AIMP1: variants seen among roughly 807,000 people sequenced by gnomAD.
AIMP1 encodes aminoacyl tRNA synthetase complex interacting multifunctional protein 1.
Under a neutral mutation model 33.1 loss-of-function variants are expected in AIMP1, and 24 were observed. The observed-to-expected ratio is 0.73, with a 90% CI of 0.53 to 1.02. AIMP1 has a LOEUF of 1.02. Among genes scored for constraint, AIMP1 ranks in the 50% least tolerant of loss-of-function variants. The probability of loss-of-function intolerance (pLI) is 0.00; values close to 1 mark genes in which losing one functional copy is unlikely to be tolerated. For synonymous variants in AIMP1, 120 were observed against 121.5 expected, an observed-to-expected ratio of 0.99 and a Z score of 0.08; for missense variants, 367 against 364.8, an observed-to-expected ratio of 1.01 and a Z score of -0.05.
At chr4:106,316,400 A>T, upstream of AIMP1, 1 of 731,568 alleles carries the variant, frequency 1.4e-6, no homozygotes, top group South Asian at 1.7e-5. Context: ...ATGGAAGACG[A>T]GGAGCGTGGT....
intron 5 of AIMP1, among the ~76,000 whole-genome samples, chr4:106,332,924 C>G (rs2125924666): frequency 6.6e-6 from 1 of 152,252 alleles, no homozygotes; most frequent in East Asian, 1.9e-4. Flanking sequence ...GTTTATCTTT[C>G]ATAGTATTTC....
At chr4:106,321,685 G>A (rs1333047626) in intron 1 of AIMP1, among the ~76,000 whole-genome samples, 15 of 152,282 alleles carry the variant, frequency 9.9e-5, no homozygotes, top group East Asian at 3.9e-4. Flanking sequence ...CCGCCACCCC[G>A]TCTGGGAGGT....
chr4:106,327,312 A>G (rs1001124551), intron 2 of AIMP1, 139 bp from the exon 3 acceptor site: 1 of 618,116 alleles, frequency 1.6e-6, no homozygotes, highest in Non-Finnish European at 3.0e-6. Flanking sequence ...AAACTGGCAT[A>G]AAGGCACTGG....
chr4:106,331,707 G>A lies in AIMP1; in HGVS notation c.427G>A (p.Gly143Arg), dbSNP rs185378147. 6.8e-6 allele frequency: 11 copies of A among 1,614,048 alleles called. No individual in the cohort carries two copies. The Admixed American group carries it at 1.5e-4, about 22-fold the overall frequency. The change falls in exon 5 of 7, where the codon GGA becomes AGA. Residue 143 changes from glycine to arginine, a missense_variant. By Grantham distance (125) the Gly-to-Arg change is moderately radical (BLOSUM62 -2). Transcript: ENST00000672341. ...KKEKKQQSIA[G>R]SADSKPIDVS... is the part of the protein sequence containing the mutation. ...GGAGAAAAAACAGCAATCAATAGCTGGAAGTGCCGACTCTAAGCCAATAGA... is the reference window on the plus strand; with the variant it reads ...GGAGAAAAAACAGCAATCAATAGCTAGAAGTGCCGACTCTAAGCCAATAGA...
chr4:106,333,404 C>T (rs951859885), intron 5 of AIMP1, among the ~76,000 whole-genome samples: 8 of 152,156 alleles, frequency 5.3e-5, no homozygotes, highest in African/African-American at 1.7e-4. Flanking sequence ...GAACACAGTA[C>T]GGGTAATGGA....
intron 2 of AIMP1, 22 bp from the exon 3 acceptor site, chr4:106,327,429 A>G: frequency 6.5e-7 from 1 of 1,542,034 alleles, no homozygotes; most frequent in East Asian, 2.3e-5. Context: ...AACATATTTT[A>G]ACTGGATGTT....
At chr4:106,333,571 A>G (rs1769757864) in intron 5 of AIMP1, among the ~76,000 whole-genome samples, 1 of 152,226 alleles carries the variant, frequency 6.6e-6, no homozygotes, top group African/African-American at 2.4e-5. Flanking sequence ...AGGTTAGAGT[A>G]TCTCCACTTT....
At chr4:106,344,347 G>A (rs1317280014) in intron 6 of AIMP1, among the ~76,000 whole-genome samples, 2 of 152,072 alleles carry the variant, frequency 1.3e-5, no homozygotes, top group Admixed American at 1.3e-4. Context: ...CTTCCCCCTA[G>A]ACTTTCATTT....
chr4:106,343,028 C>T (rs1770158567), intron 6 of AIMP1, among the ~76,000 whole-genome samples: 1 of 151,920 alleles, frequency 6.6e-6, no homozygotes, highest in Admixed American at 6.6e-5. Context: ...CCTCAGCCTC[C>T]TAAGTAGCTA....
At chr4:106,328,378 G>A in intron 4 of AIMP1, 135 bp downstream of exon 4, 1 of 1,142,800 alleles carries the variant, frequency 8.8e-7, no homozygotes, top group Non-Finnish European at 1.2e-6. Flanking sequence ...GGAACAATAT[G>A]ATATTGGAAC....
At chr4:106,338,736 G>A (rs1769986785) in intron 6 of AIMP1, among the ~76,000 whole-genome samples, 4 of 152,182 alleles carry the variant, frequency 2.6e-5, no homozygotes, top group African/African-American at 9.7e-5. Flanking sequence ...TGTGAGAAGA[G>A]GGCCACTGTC....
intron 1 of AIMP1, among the ~76,000 whole-genome samples, chr4:106,323,712 A>C (rs1769356070): frequency 6.6e-6 from 1 of 152,094 alleles, no homozygotes; most frequent in African/African-American, 2.4e-5. Flanking sequence ...TAATGATGAA[A>C]TATACTCAAT....
intron 5 of AIMP1, among the ~76,000 whole-genome samples, chr4:106,335,159 C>G (rs1457470792): frequency 6.6e-6 from 1 of 152,108 alleles, no homozygotes; most frequent in Admixed American, 6.6e-5. Context: ...AAGAAGTAGA[C>G]TTGGCATATG....
Position 106,324,825 on chromosome 4 carries a change from T to C in AIMP1, c.-25-160T>C, listed in dbSNP as rs1188210695. ...ATTAGTCTACTTAACATTTCTGCTATTTGTTTGGCTTGTTGCTCTCCATAG... is the reference window on the plus strand; with the variant it reads ...ATTAGTCTACTTAACATTTCTGCTACTTGTTTGGCTTGTTGCTCTCCATAG... On this transcript the variant is annotated intron_variant, in intron 1 of 6. Transcript: ENST00000672341. Among the ~76,000 whole-genome samples the C allele has an allele frequency of 2.6e-5, 4 of 152,150 alleles. No homozygotes were observed. In the East Asian group the frequency reaches 7.7e-4, roughly 29 times the overall value.
At chr4:106,342,895 C>A (rs973707858) in intron 6 of AIMP1, among the ~76,000 whole-genome samples, 3 of 148,862 alleles carry the variant, frequency 2.0e-5, no homozygotes, top group Non-Finnish European at 4.4e-5. Context: ...CGAATCTATC[C>A]GATCCAGGGC....
At chr4:106,345,335 G>T (rs1770255190) in intron 6 of AIMP1, among the ~76,000 whole-genome samples, 1 of 152,168 alleles carries the variant, frequency 6.6e-6, no homozygotes, top group Non-Finnish European at 1.5e-5. Flanking sequence ...CTGAGTCAGT[G>T]CTTAGGTCTC....
At chr4:106,337,883 C>T (rs1769950275) in intron 6 of AIMP1, among the ~76,000 whole-genome samples, 1 of 152,162 alleles carries the variant, frequency 6.6e-6, no homozygotes, top group South Asian at 2.1e-4. Context: ...ACAATACAGT[C>T]CAGGCTGAGG....
rs1252185434 is a variant in AIMP1, at chr4:106,316,604, G to A, written c.-26+10G>A. ...TGGTCCTCCGCTTCATGTGAGTGAC[G>A]TCGTGGCGGGTCACTCACTCGGGGA... On this transcript the variant is annotated intron_variant, in intron 1 of 6. Coordinates refer to ENST00000672341, the MANE Select transcript of AIMP1 (RefSeq NM_001142416.2). 1.3e-6 allele frequency: 2 copies of A among 1,550,954 alleles called. No homozygotes were observed. Among genetic ancestry groups the A allele is most frequent in the Non-Finnish European group, 1.7e-6 (2 of 1,146,694 alleles).
At chr4:106,325,223 A>G (rs1769413936) in intron 2 of AIMP1, 105 bp downstream of exon 2, 3 of 1,111,848 alleles carry the variant, frequency 2.7e-6, no homozygotes, top group Middle Eastern at 2.2e-4. Flanking sequence ...TTTACTTAGA[A>G]GTTTCTGTTA....
Sources: gnomAD v4.1 joint callset for allele counts (sites outside exome capture counted in the v4.1 genomes callset) on GRCh38, gnomAD v4.1.1 for gene constraint, MANE v1.5 for transcripts, NCBI Gene and HGNC (gene_info 2026-07-23, HGNC 2026-07-21) for gene names.